The following CCNY variants were observed in gnomAD, a reference collection of about 807,000 sequenced individuals.
CCNY encodes cyclin-Y.
In CCNY, 19 loss-of-function variants were observed where a neutral mutation model predicts 42.8. That is an observed-to-expected ratio of 0.44 (90% CI 0.31 to 0.65). CCNY has a LOEUF of 0.65. Among genes scored for constraint, CCNY ranks in the 30% least tolerant of loss-of-function variants. CCNY has a pLI of 0.07. For synonymous variants in CCNY, 165 were observed against 162.7 expected (o/e 1.01, Z -0.11); for missense variants, 370 against 437.3 (o/e 0.85, Z 1.37).
At chr10:35,401,824 A>G (rs768324194) in intron 1 of CCNY, among the ~76,000 whole-genome samples, 20 of 152,218 alleles carry the variant, frequency 1.3e-4, no homozygotes, top group Non-Finnish European at 2.8e-4. Flanking sequence ...AGAATTACCA[A>G]GAACCTTCTT....
intron 3 of CCNY, among the ~76,000 whole-genome samples, chr10:35,254,042 AT>A (rs35126633): frequency 0.36 from 55,208 of 151,284 alleles, 10,487 homozygotes; most frequent in African/African-American, 0.47. Context: ...TGCCCAGCTA[AT>A]TTTTTTGTAT....
intron 3 of CCNY, among the ~76,000 whole-genome samples, chr10:35,301,789 C>CA (rs907536751): frequency 2.0e-5 from 3 of 151,928 alleles, no homozygotes; most frequent in Admixed American, 2.0e-4. Context: ...TGCATGCCAC[C>CA]ATGCCTAGCT....
At chr10:35,489,276 A>G (rs1839849508) in intron 2 of CCNY, among the ~76,000 whole-genome samples, 1 of 152,202 alleles carries the variant, frequency 6.6e-6, no homozygotes, top group Non-Finnish European at 1.5e-5. Context: ...GGCAGTATTC[A>G]TCATCAAAGC....
At chr10:35,347,205 G>A (rs191921038) in intron 1 of CCNY, among the ~76,000 whole-genome samples, 21 of 152,320 alleles carry the variant, frequency 1.4e-4, no homozygotes, top group African/African-American at 4.8e-4. Context: ...ACTGGGTATG[G>A]TGTATTTGAG....
At chr10:35,569,005 G>A (rs188336029) in intron 9 of CCNY, 49 bp from the exon 10 acceptor site, 867 of 1,246,012 alleles carry the variant, frequency 7.0e-4, no homozygotes, top group Non-Finnish European at 9.3e-4. Flanking sequence ...GTGAGCAATG[G>A]ACGCAGATAT....
At chr10:35,453,932 T>C (rs1838974374) in intron 1 of CCNY, among the ~76,000 whole-genome samples, 1 of 152,250 alleles carries the variant, frequency 6.6e-6, no homozygotes, top group African/African-American at 2.4e-5. Flanking sequence ...CATAATGTTA[T>C]ATTCTGAACT....
intron 1 of CCNY, among the ~76,000 whole-genome samples, chr10:35,415,923 A>T (rs961299838): frequency 1.1e-4 from 16 of 152,218 alleles, no homozygotes; most frequent in African/African-American, 3.9e-4. Context: ...ATAAAAACCA[A>T]TGATTTTTTA....
At chr10:35,252,585 AAAAAAAAT>A (rs58243852) in intron 3 of CCNY, among the ~76,000 whole-genome samples, 37,268 of 129,608 alleles carry the variant, frequency 0.29, 5,848 homozygotes, top group African/African-American at 0.37. Flanking sequence ...AAAAAAAAAA[AAAAAAAAT>A]GAGAATATCC....
intron 1 of CCNY, among the ~76,000 whole-genome samples, chr10:35,367,229 T>A (rs1836828407): frequency 6.6e-6 from 1 of 152,204 alleles, no homozygotes; most frequent in African/African-American, 2.4e-5. Flanking sequence ...TTCTATTTTA[T>A]AGACTACTTT....
intron 7 of CCNY, among the ~76,000 whole-genome samples, chr10:35,541,731 C>T (rs1309550643): frequency 6.6e-6 from 1 of 152,104 alleles, no homozygotes; most frequent in Non-Finnish European, 1.5e-5. Context: ...TTCATTTTTA[C>T]TCCAGTTTAC....
At position 35,516,609 on chromosome 10, in the gene CCNY, G is replaced by A. The variant is rs143118825; in HGVS notation, c.351G>A (p.Lys117=). ...DDSTVSQPNL[K]YTIKCVALAI... is the part of the protein sequence containing the mutation. ...GCACAGTCAGTCAACCAAACCTCAA[G>A]TATACAATTAAATGGTGGGTATATG... Residue 117 remains lysine, a synonymous_variant, in exon 4 of 10, where the codon AAG becomes AAA. Transcript: ENST00000374704. The A allele has an allele frequency of 4.4e-5, 66 of 1,498,872 alleles. No individual in the cohort carries two copies. In the African/African-American group the frequency reaches 8.5e-4, roughly 19 times the overall value. The allele number at this position is 1,498,872 out of a possible 1,614,324, so 92.8% of individuals were successfully genotyped here.
At position 35,492,045 on chromosome 10, in the gene CCNY, ACT is replaced by A. The variant is rs202081348; in HGVS notation, c.229+8571_229+8572del. ...CTCCCATCCTCCCCTTCCTGCCTGG[ACT>A]CTCGTTTCCTCCTTCCTCACCCAGT... On this transcript the variant is annotated intron_variant, in intron 2 of 9. Coordinates refer to ENST00000374704, the MANE Select transcript of CCNY (RefSeq NM_145012.6). Among the ~76,000 whole-genome samples the A allele has an allele frequency of 3.8e-4, 57 of 150,948 alleles. 3 individuals carry two copies. In the East Asian group the frequency reaches 0.011, roughly 29 times the overall value.
chr10:35,477,215 G>A lies in CCNY; in HGVS notation c.155-6189G>A, dbSNP rs1839534111. ...CCAAATTCTACCAGAGGTACAAAGA[G>A]GAACTGGTACCTTTCCTTCTGAAAC... On this transcript the variant is annotated intron_variant, in intron 1 of 9. Coordinates refer to ENST00000374704, the MANE Select transcript of CCNY (RefSeq NM_145012.6). Among the ~76,000 whole-genome samples the A allele has an allele frequency of 3.9e-5, 6 of 152,260 alleles. No individual in the cohort carries two copies. In the South Asian group the frequency reaches 1.2e-3, roughly 32 times the overall value.
At chr10:35,356,333 T>C (rs150133621) in intron 1 of CCNY, among the ~76,000 whole-genome samples, 134 of 152,282 alleles carry the variant, frequency 8.8e-4, no homozygotes, top group African/African-American at 3.1e-3. Flanking sequence ...TAAACACTTA[T>C]GCTTGTACAT....
At chr10:35,261,293 C>G (rs1267090930) in intron 3 of CCNY, among the ~76,000 whole-genome samples, 1 of 148,654 alleles carries the variant, frequency 6.7e-6, no homozygotes, top group Admixed American at 6.8e-5. Context: ...TGGAGTGCAG[C>G]CTGGTGCGAT....
chr10:35,474,054 G>A (rs1305721493), intron 1 of CCNY, among the ~76,000 whole-genome samples: 4 of 152,184 alleles, frequency 2.6e-5, no homozygotes, highest in Non-Finnish European at 5.9e-5. Flanking sequence ...CTGGAAAATC[G>A]GGTCATTCCC....
intron 3 of CCNY, among the ~76,000 whole-genome samples, chr10:35,278,284 C>T (rs898850676): frequency 1.3e-5 from 2 of 152,066 alleles, no homozygotes; most frequent in African/African-American, 2.4e-5. Flanking sequence ...CTGAGGATGC[C>T]GTGGGCCTGA....
At chr10:35,448,421 T>C (rs929235890) in intron 1 of CCNY, among the ~76,000 whole-genome samples, 2 of 152,236 alleles carry the variant, frequency 1.3e-5, no homozygotes, top group Admixed American at 1.3e-4. Context: ...TTAATTTCTC[T>C]ATGTCTCTTT....
chr10:35,510,948 C>T (rs982897807), intron 3 of CCNY, among the ~76,000 whole-genome samples: 18 of 152,218 alleles, frequency 1.2e-4, no homozygotes, highest in Non-Finnish European at 1.8e-4. Context: ...GGCTTTCTGA[C>T]TCCACTGTGC....
Sources: gnomAD v4.1 joint callset for allele counts (sites outside exome capture counted in the v4.1 genomes callset) on GRCh38, gnomAD v4.1.1 for gene constraint, MANE v1.5 for transcripts, NCBI Gene and HGNC (gene_info 2026-07-23, HGNC 2026-07-21) for gene names.